Variants in SLC4A7 observed in about 807,000 individuals in gnomAD.
SLC4A7 encodes solute carrier family 4 member 7.
A neutral mutation model predicts 137.6 loss-of-function variants in SLC4A7; 51 were observed. The ratio of observed to expected loss-of-function variants is 0.37; its 90% CI spans 0.30 to 0.47. The LOEUF is 0.47. SLC4A7 is among the 20% of genes least tolerant of loss of function. The pLI is 1.00. For synonymous variants in SLC4A7, 542 were observed against 518.6 expected (o/e 1.05, Z -0.61); for missense variants, 1,247 against 1,525.4 (o/e 0.82, Z 3.04).
chr3:27,478,865 C>T (rs1013824330), intron 1 of SLC4A7, among the ~76,000 whole-genome samples: 5 of 149,490 alleles, frequency 3.3e-5, no homozygotes, highest in African/African-American at 9.8e-5. Flanking sequence ...GAGAGGGGGG[C>T]GTGGTGGCAC....
intron 3 of SLC4A7, among the ~76,000 whole-genome samples, chr3:27,448,230 A>C (rs1010542993): frequency 2.2e-4 from 33 of 151,636 alleles, no homozygotes; most frequent in African/African-American, 7.5e-4. Context: ...AAAAAAAAAA[A>C]AAAAGAAGAA....
At chr3:27,379,185 TGAAGC>T in intron 25 of SLC4A7, 59 bp downstream of exon 25, 1 of 774,700 alleles carries the variant, frequency 1.3e-6, no homozygotes, top group Non-Finnish European at 2.2e-6. Context: ...AAGAAAGGAA[TGAAGC>T]TATCATAAGT....
At chr3:27,398,376 A>G (rs772060782) in intron 16 of SLC4A7, 23 bp from the exon 17 acceptor site, 15 of 1,580,642 alleles carry the variant, frequency 9.5e-6, no homozygotes, top group Non-Finnish European at 1.3e-5. Context: ...AGAAAGAAAA[A>G]GCAGAATGGG....
At chr3:27,426,548 T>G (rs1468552734) in intron 7 of SLC4A7, among the ~76,000 whole-genome samples, 2 of 152,182 alleles carry the variant, frequency 1.3e-5, no homozygotes, top group Non-Finnish European at 2.9e-5. Flanking sequence ...ACGCACAGTT[T>G]TCCAGAATAG....
In SLC4A7 at chr3:27,431,883, A is replaced by C. The variant is rs41276517; in HGVS notation, c.779-214T>G. ...TGTAATTAGTTCTCAGAACACATAA[A>C]AAAAAATTGTTAATGACAGATGGTG... On this transcript the variant is annotated intron_variant, in intron 6 of 25. Transcript: ENST00000454389. Among the ~76,000 whole-genome samples, 561 of 152,316 alleles carry C rather than the reference A, an allele frequency of 3.7e-3. 4 individuals are homozygous for C. Among genetic ancestry groups the C allele is most frequent in the South Asian group, 5.8e-3 (28 of 4,824 alleles).
chr3:27,421,837 G>T, intron 8 of SLC4A7, 58 bp from the exon 9 acceptor site: 1 of 1,356,844 alleles, frequency 7.4e-7, no homozygotes, highest in Non-Finnish European at 1.0e-6. Flanking sequence ...AGACTAGAGA[G>T]AAACAGGAAA....
At chr3:27,448,520 A>G in intron 3 of SLC4A7, 131 bp downstream of exon 3, 1 of 649,684 alleles carries the variant, frequency 1.5e-6, no homozygotes, top group Non-Finnish European at 2.5e-6. Flanking sequence ...CCCCAATACA[A>G]TACATTCCCC....
chr3:27,402,641 G>A (rs1424468356), intron 15 of SLC4A7, among the ~76,000 whole-genome samples: 1 of 151,518 alleles, frequency 6.6e-6, no homozygotes, highest in East Asian at 1.9e-4. Context: ...AGAGGCTGCA[G>A]TTAGCTGAGA....
chr3:27,417,538 G>C lies in SLC4A7; in HGVS notation c.1659+948C>G, dbSNP rs143697692. ...GGAGGCTGAAGCAAGAGGATCACTAGAGTCCAGGAGTTTGAGACCAGCCTG... is the reference window on the plus strand; with the variant it reads ...GGAGGCTGAAGCAAGAGGATCACTACAGTCCAGGAGTTTGAGACCAGCCTG... On this transcript the variant is annotated intron_variant, in intron 11 of 25. Transcript: ENST00000454389. Among the ~76,000 whole-genome samples, 477 of 152,300 alleles carry C rather than the reference G, an allele frequency of 3.1e-3. 4 individuals carry two copies. The highest frequency in any genetic ancestry group is 0.011 in the African/African-American group (463 of 41,546).
intron 1 of SLC4A7, chr3:27,462,859 T>C (rs996481031): frequency 6.6e-6 from 1 of 152,252 alleles, no homozygotes; most frequent in Non-Finnish European, 1.5e-5. Flanking sequence ...TTAAAAAGTG[T>C]TTACTGTTCA....
intron 1 of SLC4A7, among the ~76,000 whole-genome samples, chr3:27,475,312 C>A (rs951748714): frequency 6.6e-6 from 1 of 150,854 alleles, no homozygotes; most frequent in Non-Finnish European, 1.5e-5. Context: ...GCATTTTATA[C>A]ACAGTATTCT....
intron 1 of SLC4A7, among the ~76,000 whole-genome samples, chr3:27,458,403 T>C (rs2058519997): frequency 6.6e-6 from 1 of 152,178 alleles, no homozygotes; most frequent in African/African-American, 2.4e-5. Flanking sequence ...TTCACAACTT[T>C]ACATAGGGAG....
chr3:27,375,763 A>G lies in SLC4A7; in HGVS notation c.*1001T>C, dbSNP rs1228042221. ...TAACAAGCTATTAAATGTAATCTAC[A>G]AAAGTGAAAGAATAACATAAAGAGA... On this transcript the variant is annotated 3_prime_UTR_variant, in exon 26 of 26. Coordinates refer to ENST00000454389, the MANE Select transcript of SLC4A7 (RefSeq NM_001321103.2). 6.6e-6 allele frequency: 1 copy of G among 152,394 alleles called. No homozygotes were observed. The highest frequency in any genetic ancestry group is 6.5e-5 in the Admixed American group (1 of 15,272). The allele number at this position is 152,394 out of a possible 1,614,324, so 9.4% of individuals were successfully genotyped here.
chr3:27,473,650 G>A (rs1351524292), intron 1 of SLC4A7, among the ~76,000 whole-genome samples: 2 of 138,984 alleles, frequency 1.4e-5, no homozygotes, highest in African/African-American at 5.3e-5. Context: ...GGAGGGTGTA[G>A]TGAGCCGAGA....
intron 3 of SLC4A7, among the ~76,000 whole-genome samples, chr3:27,446,261 G>A (rs185335568): frequency 2.6e-5 from 4 of 151,874 alleles, no homozygotes; most frequent in African/African-American, 9.6e-5. Flanking sequence ...AAAATAAAAT[G>A]GTGAGAAAAT....
chr3:27,478,525 A>AC (rs2059567524), intron 1 of SLC4A7, among the ~76,000 whole-genome samples: 1 of 151,754 alleles, frequency 6.6e-6, no homozygotes, highest in African/African-American at 2.4e-5. Context: ...AAAAAAAAAA[A>AC]AAAAACCCAA....
At chr3:27,431,226 G>A in intron 7 of SLC4A7, 72 bp downstream of exon 7, 1 of 1,469,384 alleles carries the variant, frequency 6.8e-7, no homozygotes, top group Non-Finnish European at 9.1e-7. Flanking sequence ...TAAGCTATGT[G>A]CTAAAAGGCA....
Position 27,484,185 on chromosome 3 carries a change from T to TCTGCCGCTGCCC in SLC4A7, c.-71_-60dup, listed in dbSNP as rs1553725854. 4.1e-6 allele frequency: 5 copies of TCTGCCGCTGCCC among 1,215,782 alleles called. No individual in the cohort carries two copies. The highest frequency in any genetic ancestry group is 3.2e-5 in the South Asian group (1 of 31,268). The allele number at this position is 1,215,782 out of a possible 1,614,324, so 75.3% of individuals were successfully genotyped here. On this transcript the variant is annotated 5_prime_UTR_variant, in exon 1 of 26. Coordinates refer to ENST00000454389, the MANE Select transcript of SLC4A7 (RefSeq NM_001321103.2). ...TACTGCCCCGCGCGGTCTGCCTGCT[T>TCTGCCGCTGCCC]CTGCCGCTGCCCCTGCCGCCGCCGC...
rs1053193558 is a variant in SLC4A7 at position 27,484,082 on chromosome 3, G to A, written c.45C>T (p.Thr15=). Residue 15 remains threonine, a synonymous_variant, in exon 1 of 26, where the codon ACC becomes ACT. Coordinates refer to ENST00000454389, the MANE Select transcript of SLC4A7 (RefSeq NM_001321103.2). The stretch of plus-strand genomic sequence containing the variant: ...GCGCCCTCACCCTGCTCGTTACCCG[G>A]GTGAGTAGCGGTCTCATCTGCTCGC... The part of the protein sequence containing the change: ...GAGEQMRPLL[T]RVTSRGPDEE... The A allele has an allele frequency of 5.7e-6, 8 of 1,410,544 alleles. No individual in the cohort carries two copies. In the Admixed American group the frequency reaches 1.8e-4, roughly 32 times the overall value. 87.4% of individuals were successfully genotyped at this position (1,410,544 alleles called of 1,614,324 possible).
Sources: gnomAD v4.1 joint callset for allele counts (sites outside exome capture counted in the v4.1 genomes callset) on GRCh38, gnomAD v4.1.1 for gene constraint, MANE v1.5 for transcripts, NCBI Gene and HGNC (gene_info 2026-07-23, HGNC 2026-07-21) for gene names.